ZNF407: variants seen among roughly 807,000 people sequenced by gnomAD.
The protein encoded by ZNF407 is zinc finger protein 407.
Under a neutral mutation model 131.2 loss-of-function variants are expected in ZNF407, and 17 were observed. The observed-to-expected ratio is 0.13, with a 90% CI of 0.09 to 0.19. The LOEUF is 0.19. ZNF407 is among the 10% of genes least tolerant of loss of function. The probability of loss-of-function intolerance (pLI) is 1.00; values close to 1 mark genes in which losing one functional copy is unlikely to be tolerated. For synonymous variants in ZNF407, 1,156 were observed against 1,062.0 expected (o/e 1.09, Z -1.72); for missense variants, 2,681 against 2,830.6 (o/e 0.95, Z 1.20).
chr18:74,717,964 A>G (rs1967935333), intron 3 of ZNF407, among the ~76,000 whole-genome samples: 1 of 152,026 alleles, frequency 6.6e-6, no homozygotes, highest in Admixed American at 6.5e-5. Context: ...CTCATCTGTT[A>G]AATTTTATTT....
intron 4 of ZNF407, among the ~76,000 whole-genome samples, chr18:74,845,045 A>G (rs1970683530): frequency 6.6e-6 from 1 of 152,252 alleles, no homozygotes; most frequent in African/African-American, 2.4e-5. Flanking sequence ...TCTGTGACCC[A>G]CATAAAGAGA....
At chr18:74,993,898 G>T (rs747746180) in intron 8 of ZNF407, among the ~76,000 whole-genome samples, 2 of 152,172 alleles carry the variant, frequency 1.3e-5, no homozygotes, top group African/African-American at 4.8e-5. Flanking sequence ...AATGACTGGC[G>T]TGTATTTTAA....
rs191006734 is a variant in ZNF407 at position 74,726,529 on chromosome 18, T to A, written c.4803-54899T>A. ...TGAAACAGCAATGTATTGGGAAAAA[T>A]TTTGGAATATGTATATATGTATTAA... On this transcript the variant is annotated intron_variant, in intron 3 of 8. Transcript: ENST00000299687. 3.0e-3 allele frequency among the ~76,000 whole-genome samples: 454 copies of A among 152,144 alleles called. 1 individual carries two copies. The highest frequency in any genetic ancestry group is 5.1e-3 in the Admixed American group (78 of 15,288).
At position 74,860,043 on chromosome 18, in the gene ZNF407, C is replaced by T. The variant is rs115448775; in HGVS notation, c.4878-17154C>T. The stretch of plus-strand genomic sequence containing the variant: ...GAATATGGCCAGGTACAGTGGCTAA[C>T]GCCTGTAATCTCAACATTTTGGGAG... On this transcript the variant is annotated intron_variant, in intron 4 of 8. Coordinates refer to ENST00000299687, the MANE Select transcript of ZNF407 (RefSeq NM_017757.3). Among the ~76,000 whole-genome samples, 206 of 152,220 alleles carry T rather than the reference C, an allele frequency of 1.4e-3. 2 individuals carry two copies. The highest frequency in any genetic ancestry group is 4.6e-3 in the African/African-American group (190 of 41,538).
At chr18:74,984,674 G>T (rs118073554) in intron 8 of ZNF407, among the ~76,000 whole-genome samples, 1 of 152,158 alleles carries the variant, frequency 6.6e-6, no homozygotes, top group South Asian at 2.1e-4. Context: ...AGAAAATCCC[G>T]TATTGTTTCT....
At chr18:74,676,335 G>A (rs968577705) in intron 3 of ZNF407, among the ~76,000 whole-genome samples, 4 of 151,888 alleles carry the variant, frequency 2.6e-5, no homozygotes, top group African/African-American at 4.8e-5. Flanking sequence ...CAGGCAATCC[G>A]CCTGCCTTCT....
intron 3 of ZNF407, among the ~76,000 whole-genome samples, chr18:74,727,763 G>T (rs1041220960): frequency 1.3e-5 from 2 of 152,230 alleles, no homozygotes; most frequent in South Asian, 4.1e-4. Context: ...CATCCTGCAG[G>T]TGATGGGGTT....
chr18:75,006,237 G>T (rs1360378863), intron 8 of ZNF407, among the ~76,000 whole-genome samples: 2 of 152,098 alleles, frequency 1.3e-5, no homozygotes, highest in Admixed American at 6.5e-5. Flanking sequence ...CAAAATGACA[G>T]CTTTTAGATG....
intron 8 of ZNF407, among the ~76,000 whole-genome samples, chr18:74,954,251 G>A (rs1008005884): frequency 2.6e-5 from 4 of 152,072 alleles, no homozygotes; most frequent in African/African-American, 7.2e-5. Flanking sequence ...CAGTTACTTG[G>A]GAGAAACAGA....
rs199795940 is a variant in ZNF407, at chr18:75,063,803, G to A, written c.6082G>A (p.Val2028Ile). The A allele has an allele frequency of 3.9e-5, 62 of 1,608,764 alleles. No homozygotes were observed. In the South Asian group the frequency reaches 6.4e-4, roughly 17 times the overall value. Residue 2028 changes from valine (V) to isoleucine (I), a missense_variant, in exon 9 of 9, where the codon GTC becomes ATC. By Grantham distance (29) the Val-to-Ile change is conservative. Transcript: ENST00000299687. The surrounding 1 kb of genome is among the most constrained non-coding windows in gnomAD (Gnocchi z 6.6). ...GCTGATCCAGCTGCCCGGGCAGGAGGTCTCCCATGTGGCTGCCGACCCCGA... is the reference window on the plus strand; with the variant it reads ...GCTGATCCAGCTGCCCGGGCAGGAGATCTCCCATGTGGCTGCCGACCCCGA... ...DVLIQLPGQE[V>I]SHVAADPEAP... is the part of the protein sequence containing the mutation.
intron 3 of ZNF407, among the ~76,000 whole-genome samples, chr18:74,651,174 G>A (rs1169062017): frequency 1.3e-5 from 2 of 152,046 alleles, no homozygotes; most frequent in Non-Finnish European, 2.9e-5. Context: ...AAAATACCCT[G>A]TTTGGAAAAT....
rs375714019 is a variant in ZNF407, at chr18:74,979,938, A to G, written c.5428+59246A>G. On this transcript the variant is annotated intron_variant, in intron 8 of 8. Coordinates refer to ENST00000299687, the MANE Select transcript of ZNF407 (RefSeq NM_017757.3). Reference sequence around the variant, plus strand: ...AGTTTTTAATGTATTTTGTTCAATCATTATTGTTTTAACTCTAAGTGTTAA... The same window carrying G: ...AGTTTTTAATGTATTTTGTTCAATCGTTATTGTTTTAACTCTAAGTGTTAA... Among the ~76,000 whole-genome samples, 587 of 152,292 alleles carry G rather than the reference A, an allele frequency of 3.9e-3. 11 individuals carry two copies. The highest frequency in any genetic ancestry group is 0.013 in the African/African-American group (557 of 41,560).
At chr18:75,042,589 T>C (rs1169997152) in intron 8 of ZNF407, among the ~76,000 whole-genome samples, 1 of 152,246 alleles carries the variant, frequency 6.6e-6, no homozygotes, top group African/African-American at 2.4e-5. Flanking sequence ...TTTTTCTAAA[T>C]GGAGATTTAA....
At chr18:74,960,844 G>A (rs1291616496) in intron 8 of ZNF407, among the ~76,000 whole-genome samples, 2 of 145,360 alleles carry the variant, frequency 1.4e-5, no homozygotes, top group Non-Finnish European at 3.0e-5. Context: ...AGTGCTGGGT[G>A]GAGGGATAGG....
chr18:74,720,948 T>G (rs1968019524), intron 3 of ZNF407, among the ~76,000 whole-genome samples: 1 of 151,950 alleles, frequency 6.6e-6, no homozygotes, highest in South Asian at 2.1e-4. Context: ...TTCTTTTTCT[T>G]TTTCTCAGGA....
Position 75,057,876 on chromosome 18 carries a change from G to A in ZNF407, c.5429-5274G>A, listed in dbSNP as rs139398017. ...TGTAATGACATTTTTCATTCACAAC[G>A]TATGCCTTCAAGAGAGGGGGCCCTT... On this transcript the variant is annotated intron_variant, in intron 8 of 8. Coordinates refer to ENST00000299687, the MANE Select transcript of ZNF407 (RefSeq NM_017757.3). Among the ~76,000 whole-genome samples, 803 of 152,182 alleles carry A rather than the reference G, an allele frequency of 5.3e-3. 6 individuals carry two copies. Among genetic ancestry groups the A allele is most frequent in the African/African-American group, 0.017 (704 of 41,502 alleles).
chr18:74,955,965 G>A (rs755470438), intron 8 of ZNF407, among the ~76,000 whole-genome samples: 1 of 152,148 alleles, frequency 6.6e-6, no homozygotes, highest in Non-Finnish European at 1.5e-5. Context: ...TCTAACTTAA[G>A]GAAGTTCATC....
At chr18:74,679,973 G>A (rs1966942617) in intron 3 of ZNF407, among the ~76,000 whole-genome samples, 1 of 152,204 alleles carries the variant, frequency 6.6e-6, no homozygotes, top group Non-Finnish European at 1.5e-5. Flanking sequence ...TTATGAATGT[G>A]AGTCCTGTTT....
At chr18:74,924,851 T>C (rs2145247497) in intron 8 of ZNF407, among the ~76,000 whole-genome samples, 1 of 152,306 alleles carries the variant, frequency 6.6e-6, no homozygotes, top group East Asian at 1.9e-4. Context: ...AGTTATGCCT[T>C]ACGGCTCAAG....
Sources: allele counts gnomAD v4.1 joint callset (sites outside exome capture counted in the v4.1 genomes callset), GRCh38; gene constraint gnomAD v4.1.1; non-coding constraint Gnocchi (gnomAD v3.1); transcripts MANE v1.5; gene names NCBI Gene and HGNC (gene_info 2026-07-23, HGNC 2026-07-21).